NMRK1: variants seen among roughly 807,000 people sequenced by gnomAD.
The protein encoded by NMRK1 is NRK 1.
A neutral mutation model predicts 29.9 loss-of-function variants in NMRK1; 28 were observed. That is an observed-to-expected ratio of 0.94 (90% CI 0.69 to 1.28). The LOEUF is 1.28. Ranked by LOEUF, NMRK1 falls within the 50% of genes most tolerant of loss-of-function variation. The pLI is 0.00. For missense variants in NMRK1, 218 were observed against 233.1 expected (o/e 0.94, Z 0.42); for synonymous variants, 58 against 73.0 (o/e 0.79, Z 1.05).
intron 7 of NMRK1, among the ~76,000 whole-genome samples, chr9:75,068,360 T>C (rs1823488663): frequency 6.6e-6 from 1 of 152,220 alleles, no homozygotes; most frequent in Non-Finnish European, 1.5e-5. Context: ...ATTGGCCTTA[T>C]AGGGTCTGGA....
Position 75,084,362 on chromosome 9 carries a change from A to G in NMRK1, c.-35-1212T>C, listed in dbSNP as rs2118270264. Among the ~76,000 whole-genome samples the G allele has an allele frequency of 2.6e-5, 4 of 152,348 alleles. No individual in the cohort carries two copies. The South Asian group carries it at 8.3e-4, about 32-fold the overall frequency. On this transcript the variant is annotated intron_variant, in intron 1 of 8. Transcript: ENST00000361092. ...CCTGGGGAGGGGTTATGCAGAAAAA[A>G]GCCTGGTGGGAAGAGGGCTATTGTT... is the stretch of plus-strand genomic sequence containing the variant.
intron 1 of NMRK1, chr9:75,087,661 A>T (rs181447787): frequency 2.0e-5 from 3 of 152,004 alleles, no homozygotes; most frequent in Admixed American, 2.0e-4. Flanking sequence ...AGTAACAGGC[A>T]GCAGGCGGGC....
intron 8 of NMRK1, among the ~76,000 whole-genome samples, chr9:75,063,208 A>G (rs1823131026): frequency 6.7e-6 from 1 of 148,728 alleles, no homozygotes; most frequent in Non-Finnish European, 1.5e-5. Context: ...CGGGAGGCTG[A>G]GGCAGGAGAA....
At chr9:75,061,655 T>A in intron 8 of NMRK1, 88 bp from the exon 9 acceptor site, 1 of 1,145,650 alleles carries the variant, frequency 8.7e-7, no homozygotes, top group Non-Finnish European at 1.3e-6. Flanking sequence ...AATCTAAGGA[T>A]GTTTAAATTA....
chr9:75,083,060 A>T (rs1225850682), intron 2 of NMRK1, 27 bp downstream of exon 2: 1 of 1,541,190 alleles, frequency 6.5e-7, no homozygotes, highest in East Asian at 2.2e-5. Context: ...AGTATCTTAA[A>T]GAGCTGTTTG....
At position 75,069,997 on chromosome 9, in the gene NMRK1, C is replaced by CAGG; in HGVS notation, c.212_214dup (p.Ser71dup). The stretch of plus-strand genomic sequence containing the variant: ...AGAGTGTCTTGCGCTTTCCATCCAG[C>CAGG]AGGAAATGGCTGACATCATTTTTTC... On this transcript the variant is annotated inframe_insertion, in exon 5 of 9. Coordinates refer to ENST00000361092, the MANE Select transcript of NMRK1 (RefSeq NM_017881.3). The CAGG allele has an allele frequency of 6.2e-7, 1 of 1,613,634 alleles. No homozygotes were observed. Among genetic ancestry groups the CAGG allele is most frequent in the Non-Finnish European group, 8.5e-7 (1 of 1,179,792 alleles).
intron 2 of NMRK1, chr9:75,078,620 A>G: frequency 1.8e-6 from 2 of 1,137,154 alleles, no homozygotes; most frequent in Non-Finnish European, 2.2e-6. Flanking sequence ...AACTTGAATG[A>G]GAAAAAAATT....
chr9:75,077,647 T>C lies in NMRK1; in HGVS notation c.30-67A>G, dbSNP rs896316461. The C allele has an allele frequency of 3.1e-5, 37 of 1,200,466 alleles. No homozygotes were observed. The African/African-American group carries it at 4.1e-4, about 13-fold the overall frequency. 74.4% of individuals were successfully genotyped at this position (1,200,466 alleles called of 1,614,324 possible). ...TTAAAAATCATTAAACACTTTTTTT[T>C]TTTTGAGAGACAGGGTCTCGCTGTG... On this transcript the variant is annotated intron_variant, in intron 2 of 8. Transcript: ENST00000361092.
Position 75,069,695 on chromosome 9 carries a change from A to G in NMRK1, c.389+47T>C, listed in dbSNP as rs1030354771. The G allele has an allele frequency of 6.7e-6, 10 of 1,485,686 alleles. No homozygotes were observed. In the African/African-American group the frequency reaches 7.0e-5, roughly 10 times the overall value. 92.0% of individuals were successfully genotyped at this position (1,485,686 alleles called of 1,614,324 possible). ...GTTGCTGTCCTCATTTTTCTTCTACATTTTTTGTTTTGAATTACAACTCAC... is the reference window on the plus strand; with the variant it reads ...GTTGCTGTCCTCATTTTTCTTCTACGTTTTTTGTTTTGAATTACAACTCAC... On this transcript the variant is annotated intron_variant, in intron 6 of 8. Coordinates refer to ENST00000361092, the MANE Select transcript of NMRK1 (RefSeq NM_017881.3).
At chr9:75,070,141 A>T (rs1024476742) in intron 4 of NMRK1, 99 bp from the exon 5 acceptor site, 1 of 811,556 alleles carries the variant, frequency 1.2e-6, no homozygotes, top group Non-Finnish European at 1.9e-6. Flanking sequence ...AAATATATAC[A>T]CCACCATTTT....
At chr9:75,066,929 C>A in intron 7 of NMRK1, 89 bp from the exon 8 acceptor site, 1 of 747,586 alleles carries the variant, frequency 1.3e-6, no homozygotes. Flanking sequence ...CTTGTAAATG[C>A]CAATAGGTTT....
At chr9:75,073,868 A>G (rs1823837640) in intron 4 of NMRK1, among the ~76,000 whole-genome samples, 1 of 152,160 alleles carries the variant, frequency 6.6e-6, no homozygotes, top group African/African-American at 2.4e-5. Flanking sequence ...TAAAAATTTT[A>G]GGTTGTTTTA....
At chr9:75,067,818 A>G (rs995897163) in intron 7 of NMRK1, among the ~76,000 whole-genome samples, 11 of 152,324 alleles carry the variant, frequency 7.2e-5, no homozygotes, top group Admixed American at 4.6e-4. Context: ...TGGCTCTGAC[A>G]TAGCTGCCTA....
At chr9:75,065,963 A>T (rs1375006270) in intron 8 of NMRK1, among the ~76,000 whole-genome samples, 1 of 152,202 alleles carries the variant, frequency 6.6e-6, no homozygotes, top group African/African-American at 2.4e-5. Flanking sequence ...TGTTGTTGTC[A>T]ACAGACATCA....
At chr9:75,078,414 A>G (rs754706482) in intron 2 of NMRK1, 25 of 1,552,042 alleles carry the variant, frequency 1.6e-5, no homozygotes, top group Non-Finnish European at 2.2e-5. Flanking sequence ...AGCTTATCAC[A>G]ACAGGCCAGT....
At chr9:75,063,058 C>A (rs979021403) in intron 8 of NMRK1, among the ~76,000 whole-genome samples, 1 of 151,050 alleles carries the variant, frequency 6.6e-6, no homozygotes. Context: ...CACCTGTAAT[C>A]CCAGCATTTT....
intron 8 of NMRK1, 113 bp from the exon 9 acceptor site, chr9:75,061,680 C>A (rs1587344672): frequency 1.2e-6 from 1 of 838,516 alleles, no homozygotes; most frequent in East Asian, 2.6e-5. Context: ...GATTCTGGAG[C>A]CAAAAATGCT....
At chr9:75,063,709 C>T (rs187002711) in intron 8 of NMRK1, among the ~76,000 whole-genome samples, 170 of 151,948 alleles carry the variant, frequency 1.1e-3, no homozygotes, top group Non-Finnish European at 1.7e-3. Flanking sequence ...GAAAAAAAAC[C>T]CTGAAGATTA....
In NMRK1 at chr9:75,067,612, G is replaced by T. The variant is rs970090853; in HGVS notation, c.497-772C>A. On this transcript the variant is annotated intron_variant, in intron 7 of 8. Coordinates refer to ENST00000361092, the MANE Select transcript of NMRK1 (RefSeq NM_017881.3). Reference sequence around the variant, plus strand: ...TCGTTAGAGGCCTTGATGTCTGGCTGTTTGGATTGTATCTCAAAGATCTGG... The same window carrying T: ...TCGTTAGAGGCCTTGATGTCTGGCTTTTTGGATTGTATCTCAAAGATCTGG... Among the ~76,000 whole-genome samples the T allele has an allele frequency of 3.9e-5, 6 of 152,204 alleles. No homozygotes were observed. The East Asian group carries it at 1.2e-3, about 29-fold the overall frequency.
Sources: allele counts gnomAD v4.1 joint callset (sites outside exome capture counted in the v4.1 genomes callset), GRCh38; gene constraint gnomAD v4.1.1; transcripts MANE v1.5; gene names NCBI Gene and HGNC (gene_info 2026-07-23, HGNC 2026-07-21).